EPHA6: variants seen among roughly 807,000 people sequenced by gnomAD.
The protein encoded by EPHA6 is EPH receptor A6, also known as ephrin type-A receptor 6.
In EPHA6, 50 loss-of-function variants were observed where a neutral mutation model predicts 112.0. The ratio of observed to expected loss-of-function variants is 0.45; its 90% confidence interval spans 0.36 to 0.56. EPHA6 has a LOEUF of 0.56. Among genes scored for constraint, EPHA6 ranks in the 20% least tolerant of loss-of-function variants. EPHA6 has a pLI of 0.00. For missense variants in EPHA6, 1,280 were observed against 1,417.4 expected, an observed-to-expected ratio of 0.90 and a Z score of 1.56; for synonymous variants, 529 against 490.7, an observed-to-expected ratio of 1.08 and a Z score of -1.03.
chr3:97,719,819 AG>A (rs1431467627), intron 14 of EPHA6, among the ~76,000 whole-genome samples: 4 of 152,208 alleles, frequency 2.6e-5, no homozygotes, highest in Non-Finnish European at 4.4e-5. Flanking sequence ...GAATTGGTAG[AG>A]AATGTTTCCG....
At chr3:97,219,145 T>G (rs1365479261) in intron 3 of EPHA6, among the ~76,000 whole-genome samples, 1 of 152,184 alleles carries the variant, frequency 6.6e-6, no homozygotes, top group African/African-American at 2.4e-5. Flanking sequence ...TTTTATGGGC[T>G]GGCATTGAGT....
chr3:97,045,216 CAT>C (rs1253098355), intron 3 of EPHA6, among the ~76,000 whole-genome samples: 4 of 151,784 alleles, frequency 2.6e-5, no homozygotes, highest in African/African-American at 9.7e-5. Flanking sequence ...AGTTAAAAAA[CAT>C]AGTTTCTCTT....
intron 10 of EPHA6, among the ~76,000 whole-genome samples, chr3:97,495,452 G>T (rs189497209): frequency 6.6e-6 from 1 of 151,598 alleles, no homozygotes; most frequent in Non-Finnish European, 1.5e-5. Flanking sequence ...ACAAATTCTA[G>T]TATATATAGA....
chr3:97,268,165 C>G (rs1421884035), intron 5 of EPHA6, among the ~76,000 whole-genome samples: 5 of 152,108 alleles, frequency 3.3e-5, no homozygotes, highest in Admixed American at 3.3e-4. Flanking sequence ...GAAAAGGATG[C>G]ATGGTTAAAC....
At chr3:97,184,214 G>A (rs1470755023) in intron 3 of EPHA6, among the ~76,000 whole-genome samples, 1 of 152,052 alleles carries the variant, frequency 6.6e-6, no homozygotes, top group Non-Finnish European at 1.5e-5. Context: ...TACAAGGTTA[G>A]AAGTAAAAGA....
At chr3:97,302,949 T>C (rs2108725649) in intron 5 of EPHA6, among the ~76,000 whole-genome samples, 1 of 152,072 alleles carries the variant, frequency 6.6e-6, no homozygotes, top group Non-Finnish European at 1.5e-5. Flanking sequence ...CAATAAGTTG[T>C]TATTTTTATG....
At chr3:96,861,623 T>TA (rs2036012732) in intron 1 of EPHA6, among the ~76,000 whole-genome samples, 2 of 151,954 alleles carry the variant, frequency 1.3e-5, no homozygotes, top group South Asian at 2.1e-4. Flanking sequence ...ACCTTATACT[T>TA]ACAAATAGAA....
intron 14 of EPHA6, among the ~76,000 whole-genome samples, chr3:97,650,856 C>CAAA (rs11377339): frequency 1.7e-4 from 16 of 95,954 alleles, no homozygotes; most frequent in South Asian, 4.0e-4. Context: ...GACTCCATCT[C>CAAA]AAAAAAAAAA....
intron 3 of EPHA6, among the ~76,000 whole-genome samples, chr3:97,079,017 A>G (rs1324478909): frequency 6.6e-6 from 1 of 152,150 alleles, no homozygotes; most frequent in Non-Finnish European, 1.5e-5. Context: ...CTGGGTATAT[A>G]CCCAAAGGAA....
chr3:96,878,486 C>T (rs1255393610), intron 2 of EPHA6, among the ~76,000 whole-genome samples: 1 of 152,004 alleles, frequency 6.6e-6, no homozygotes, highest in Non-Finnish European at 1.5e-5. Flanking sequence ...AGCAAATTAA[C>T]ATTTTGAAAA....
At chr3:96,919,517 T>G (rs1191318780) in intron 2 of EPHA6, among the ~76,000 whole-genome samples, 1 of 151,904 alleles carries the variant, frequency 6.6e-6, no homozygotes, top group Non-Finnish European at 1.5e-5. Context: ...AGTTACTTCA[T>G]TTAATTTAGC....
chr3:96,816,782 A>G (rs2032821434), intron 1 of EPHA6, among the ~76,000 whole-genome samples: 1 of 152,058 alleles, frequency 6.6e-6, no homozygotes, highest in Non-Finnish European at 1.5e-5. Flanking sequence ...CCATTCTGCC[A>G]AAATATGTCC....
chr3:96,978,847 A>T (rs1472203721), intron 2 of EPHA6, among the ~76,000 whole-genome samples: 1 of 152,078 alleles, frequency 6.6e-6, no homozygotes, highest in Admixed American at 6.6e-5. Context: ...TTCACTTCAG[A>T]CCCTTCTCTC....
chr3:97,477,364 C>T (rs2091403686), intron 8 of EPHA6, among the ~76,000 whole-genome samples: 1 of 148,828 alleles, frequency 6.7e-6, no homozygotes, highest in Non-Finnish European at 1.5e-5. Flanking sequence ...TATTCCCATA[C>T]TATTTTGGAC....
chr3:97,135,438 T>G (rs2075742365), intron 3 of EPHA6, among the ~76,000 whole-genome samples: 1 of 152,166 alleles, frequency 6.6e-6, no homozygotes, highest in Non-Finnish European at 1.5e-5. Flanking sequence ...AAAATTTTGT[T>G]GACACACAAT....
intron 2 of EPHA6, among the ~76,000 whole-genome samples, chr3:96,955,493 C>A (rs1399729238): frequency 6.6e-6 from 1 of 152,102 alleles, no homozygotes; most frequent in African/African-American, 2.4e-5. Context: ...TGAAGAATTT[C>A]CACTAAAGTT....
At position 97,545,800 on chromosome 3, in the gene EPHA6, A is replaced by C. The variant is rs187879298; in HGVS notation, c.2386+13257A>C. ...ATAGTTAGCTCTTCTTGCTGAATTA[A>C]TCCCTTTACCATTATGTAATGGCCT... is the stretch of plus-strand genomic sequence containing the variant. On this transcript the variant is annotated intron_variant, in intron 11 of 17. Coordinates refer to ENST00000389672, the MANE Select transcript of EPHA6 (RefSeq NM_001080448.3). 2.6e-5 allele frequency among the ~76,000 whole-genome samples: 4 copies of C among 152,306 alleles called. No homozygotes were observed. In the East Asian group the frequency reaches 5.8e-4, roughly 22 times the overall value.
intron 3 of EPHA6, among the ~76,000 whole-genome samples, chr3:97,121,601 A>T (rs1303339291): frequency 6.6e-6 from 1 of 152,048 alleles, no homozygotes; most frequent in African/African-American, 2.4e-5. Context: ...TGCCATTGTT[A>T]CCACGTGATG....
At position 97,483,839 on chromosome 3, in the gene EPHA6, T is replaced by A. The variant is rs3762668; in HGVS notation, c.2075-95T>A. On this transcript the variant is annotated intron_variant, in intron 9 of 17. Transcript: ENST00000389672. ...ACTTTAAATCATTATCAAGACTGAC[T>A]ACTTCAGTATGTCATTTCCGGTTTT... 1.6e-4 allele frequency: 198 copies of A among 1,233,490 alleles called. 2 individuals are homozygous for A. The East Asian group carries it at 5.3e-3, about 33-fold the overall frequency. The allele number at this position is 1,233,490 out of a possible 1,614,324, so 76.4% of individuals were successfully genotyped here.
Sources: allele counts gnomAD v4.1 joint callset (sites outside exome capture counted in the v4.1 genomes callset), GRCh38; gene constraint gnomAD v4.1.1; transcripts MANE v1.5; gene names NCBI Gene and HGNC (gene_info 2026-07-23, HGNC 2026-07-21).